Variants in SORCS3 observed in about 807,000 individuals in gnomAD.
SORCS3 encodes the protein VPS10 domain-containing receptor SorCS3.
A neutral mutation model predicts 146.3 loss-of-function variants in SORCS3; 57 were observed. That is an observed-to-expected ratio of 0.39 (90% CI 0.31 to 0.49). The LOEUF is 0.49. Ranked by LOEUF, SORCS3 falls within the 20% of genes least tolerant of loss-of-function variation. SORCS3 has a pLI of 0.92. For missense variants in SORCS3, 1,341 were observed against 1,575.5 expected, an observed-to-expected ratio of 0.85 and a Z score of 2.52; for synonymous variants, 653 against 618.5, an observed-to-expected ratio of 1.06 and a Z score of -0.83.
intron 1 of SORCS3, among the ~76,000 whole-genome samples, chr10:104,793,419 A>G (rs1470477968): frequency 3.3e-5 from 5 of 152,180 alleles, no homozygotes; most frequent in Admixed American, 6.5e-5. Context: ...AAATTTGACA[A>G]TATGTGTCTT....
intron 4 of SORCS3, among the ~76,000 whole-genome samples, chr10:105,000,085 G>T (rs1029433976): frequency 6.6e-6 from 1 of 151,870 alleles, no homozygotes; most frequent in Non-Finnish European, 1.5e-5. Flanking sequence ...ATGAATGAAT[G>T]AATGAACAAA....
intron 1 of SORCS3, among the ~76,000 whole-genome samples, chr10:104,776,105 C>G (rs1027975585): frequency 1.3e-5 from 2 of 152,188 alleles, no homozygotes; most frequent in Non-Finnish European, 2.9e-5. Flanking sequence ...ATTATAGGTG[C>G]TAAGGACGCT....
At position 105,186,085 on chromosome 10, in the gene SORCS3, C is replaced by T. The variant is rs181741993; in HGVS notation, c.2009+7912C>T. 1.9e-3 allele frequency among the ~76,000 whole-genome samples: 285 copies of T among 152,308 alleles called. 1 individual carries two copies. The highest frequency in any genetic ancestry group is 5.7e-4 in the Non-Finnish European group (39 of 68,042). On this transcript the variant is annotated intron_variant, in intron 14 of 26. Coordinates refer to ENST00000369701, the MANE Select transcript of SORCS3 (RefSeq NM_014978.3). ...TGTGCTCTTACAAACAGTATTACCA[C>T]ATCTTTATGTATGCCTCCAGGTACA...
At chr10:105,067,174 A>G (rs987517625) in intron 5 of SORCS3, among the ~76,000 whole-genome samples, 9 of 152,234 alleles carry the variant, frequency 5.9e-5, no homozygotes, top group Non-Finnish European at 8.8e-5. Flanking sequence ...CTGTGCATCT[A>G]TATTTCAAAA....
chr10:104,765,294 T>A (rs1039612287), intron 1 of SORCS3, among the ~76,000 whole-genome samples: 3 of 152,192 alleles, frequency 2.0e-5, no homozygotes, highest in African/African-American at 7.2e-5. Flanking sequence ...TGGGCCTGAC[T>A]CCCAGTCTTT....
chr10:105,127,103 A>G (rs971030514), intron 7 of SORCS3, among the ~76,000 whole-genome samples: 2 of 152,102 alleles, frequency 1.3e-5, no homozygotes, highest in African/African-American at 2.4e-5. Context: ...AGATTTTTAA[A>G]CATGATTAAC....
At chr10:104,644,166 T>G (rs1156959585) in intron 1 of SORCS3, among the ~76,000 whole-genome samples, 1 of 152,178 alleles carries the variant, frequency 6.6e-6, no homozygotes, top group South Asian at 2.1e-4. Flanking sequence ...GCAATGAGAT[T>G]GGACAATGTA....
At chr10:105,045,031 A>AG in intron 5 of SORCS3, among the ~76,000 whole-genome samples, 1 of 150,198 alleles carries the variant, frequency 6.7e-6, no homozygotes, top group South Asian at 2.1e-4. Context: ...GAAAAAAAAA[A>AG]AAAAAAAAAA....
At chr10:105,028,869 G>A (rs1348351680) in intron 4 of SORCS3, among the ~76,000 whole-genome samples, 1 of 152,168 alleles carries the variant, frequency 6.6e-6, no homozygotes, top group Non-Finnish European at 1.5e-5. Context: ...ACTGTCAGCA[G>A]CCCTTAACAA....
At position 104,834,889 on chromosome 10, in the gene SORCS3, G is replaced by A. The variant is rs571368701; in HGVS notation, c.628-7903G>A. Among the ~76,000 whole-genome samples, 43 of 151,960 alleles carry A rather than the reference G, an allele frequency of 2.8e-4. 1 individual carries two copies. The South Asian group carries it at 7.9e-3, about 28-fold the overall frequency. Reference sequence around the variant, plus strand: ...CACCCCAACACATTTCAGGAGACTCGGTGTTTGCTTGCTATGGGCAAGATG... The same window carrying A: ...CACCCCAACACATTTCAGGAGACTCAGTGTTTGCTTGCTATGGGCAAGATG... On this transcript the variant is annotated intron_variant, in intron 1 of 26. Transcript: ENST00000369701.
chr10:104,983,575 C>T (rs2054943963), intron 4 of SORCS3, among the ~76,000 whole-genome samples: 2 of 152,132 alleles, frequency 1.3e-5, no homozygotes, highest in Non-Finnish European at 2.9e-5. Context: ...GGAGGTAGAG[C>T]AATGCAGCCT....
At chr10:104,726,816 C>T (rs2016640952) in intron 1 of SORCS3, among the ~76,000 whole-genome samples, 1 of 151,996 alleles carries the variant, frequency 6.6e-6, no homozygotes, top group Non-Finnish European at 1.5e-5. Context: ...CCCTTTTTTT[C>T]CAGAGCTTCT....
intron 4 of SORCS3, among the ~76,000 whole-genome samples, chr10:104,991,572 G>A (rs2054994682): frequency 6.6e-6 from 1 of 151,030 alleles, no homozygotes; most frequent in Admixed American, 6.6e-5. Flanking sequence ...TGCGATCTTG[G>A]CTCACTGCAA....
intron 4 of SORCS3, among the ~76,000 whole-genome samples, chr10:104,995,942 A>G (rs73334037): frequency 0.077 from 11,709 of 152,280 alleles, 506 homozygotes; most frequent in African/African-American, 0.11. Flanking sequence ...ATAGTGCAAG[A>G]TATAGATCAA....
At chr10:105,182,230 C>CTTTTGTTTTT (rs2056446778) in intron 14 of SORCS3, among the ~76,000 whole-genome samples, 1 of 70,486 alleles carries the variant, frequency 1.4e-5, no homozygotes, top group African/African-American at 5.3e-5. Flanking sequence ...TATTCAGCAT[C>CTTTTGTTTTT]TTTTTTTTTT....
At chr10:104,821,345 C>G (rs1259788748) in intron 1 of SORCS3, among the ~76,000 whole-genome samples, 2 of 152,044 alleles carry the variant, frequency 1.3e-5, no homozygotes, top group African/African-American at 4.8e-5. Flanking sequence ...GGGATAACTC[C>G]CTGCTGGGGA....
Position 105,048,396 on chromosome 10 carries a change from A to C in SORCS3, c.1028+5268A>C, listed in dbSNP as rs551253966. Among the ~76,000 whole-genome samples the C allele has an allele frequency of 3.7e-3, 566 of 151,518 alleles. 4 individuals are homozygous for C. The highest frequency in any genetic ancestry group is 0.013 in the African/African-American group (528 of 41,294). Reference sequence around the variant, plus strand: ...CATGTCCTTTGTAGGGACATGGATGAAGCTGGAAACCATCATTCTCAGCAA... The same window carrying C: ...CATGTCCTTTGTAGGGACATGGATGCAGCTGGAAACCATCATTCTCAGCAA... On this transcript the variant is annotated intron_variant, in intron 5 of 26. Coordinates refer to ENST00000369701, the MANE Select transcript of SORCS3 (RefSeq NM_014978.3).
At chr10:104,905,242 G>C (rs986246153) in intron 2 of SORCS3, among the ~76,000 whole-genome samples, 1 of 152,156 alleles carries the variant, frequency 6.6e-6, no homozygotes, top group Admixed American at 6.5e-5. Flanking sequence ...GAAGTTTTAG[G>C]TTTCTGGACC....
At chr10:104,836,485 C>T (rs1021925986) in intron 1 of SORCS3, among the ~76,000 whole-genome samples, 1 of 152,122 alleles carries the variant, frequency 6.6e-6, no homozygotes, top group Non-Finnish European at 1.5e-5. Flanking sequence ...GCAGAAGATA[C>T]TAGCTGCTTG....
Sources: allele counts gnomAD v4.1 joint callset (sites outside exome capture counted in the v4.1 genomes callset), GRCh38; gene constraint gnomAD v4.1.1; transcripts MANE v1.5; gene names NCBI Gene and HGNC (gene_info 2026-07-23, HGNC 2026-07-21).